The following MAP3K4 variants were observed in gnomAD, a reference collection of about 807,000 sequenced individuals.
The protein encoded by MAP3K4 is mitogen-activated protein kinase kinase kinase 4, also known as MAP three kinase 1.
A neutral mutation model predicts 185.6 loss-of-function variants in MAP3K4; 67 were observed. The ratio of observed to expected loss-of-function variants is 0.36; its 90% CI spans 0.30 to 0.44. The LOEUF is 0.44. Among genes scored for constraint, MAP3K4 ranks in the 20% least tolerant of loss-of-function variants. The pLI is 1.00. For missense variants in MAP3K4, 1,551 were observed against 1,995.1 expected (o/e 0.78, Z 4.24); for synonymous variants, 702 against 710.4 (o/e 0.99, Z 0.19).
chr6:161,039,966 T>C (rs1484404504), intron 2 of MAP3K4, among the ~76,000 whole-genome samples: 4 of 152,216 alleles, frequency 2.6e-5, no homozygotes, highest in Non-Finnish European at 5.9e-5. Context: ...TCATTTATCT[T>C]TACTCATATA....
rs111839598 is a variant in MAP3K4 at position 160,994,906 on chromosome 6, G to A, written c.152+2823G>A. 7.5e-3 allele frequency among the ~76,000 whole-genome samples: 1,145 copies of A among 152,206 alleles called. 6 individuals carry two copies. Among genetic ancestry groups the A allele is most frequent in the Admixed American group, 0.012 (182 of 15,292 alleles). ...AGTAGAGACAAGGTTTCACCAAGTT[G>A]GTCAGGCTTGTCTTGAACTCCTGAC... is the stretch of plus-strand genomic sequence containing the variant. On this transcript the variant is annotated intron_variant, in intron 1 of 26. Coordinates refer to ENST00000392142, the MANE Select transcript of MAP3K4 (RefSeq NM_005922.4).
At chr6:160,992,881 A>G (rs149696044) in intron 1 of MAP3K4, among the ~76,000 whole-genome samples, 13 of 151,836 alleles carry the variant, frequency 8.6e-5, no homozygotes, top group Non-Finnish European at 1.8e-4. Context: ...TTACGTGCCT[A>G]TGTTTGTATG....
Position 161,050,056 on chromosome 6 carries a change from T to C in MAP3K4, c.1707+77T>C, listed in dbSNP as rs138277631. The C allele has an allele frequency of 1.4e-4, 190 of 1,379,448 alleles. No individual in the cohort carries two copies. In the African/African-American group the frequency reaches 2.5e-3, roughly 18 times the overall value. 85.5% of individuals were successfully genotyped at this position (1,379,448 alleles called of 1,614,324 possible). On this transcript the variant is annotated intron_variant, in intron 3 of 26. Transcript: ENST00000392142. The stretch of plus-strand genomic sequence containing the variant: ...ATTGCAAATTATAATGTTGGTGTTA[T>C]GTACTTTCATATTCTAATATTTTTG...
At chr6:161,016,022 T>C (rs1390691623) in intron 1 of MAP3K4, among the ~76,000 whole-genome samples, 2 of 152,212 alleles carry the variant, frequency 1.3e-5, no homozygotes, top group East Asian at 3.8e-4. Context: ...TCATGTATAA[T>C]GATTTCTCCA....
Position 161,067,347 on chromosome 6 carries a change from T to C in MAP3K4, c.1708-3261T>C. 7.9e-6 allele frequency: 3 copies of C among 377,874 alleles called. No individual in the cohort carries two copies. Among genetic ancestry groups the C allele is most frequent in the South Asian group, 4.2e-5 (2 of 48,166 alleles). 23.4% of individuals were successfully genotyped at this position (377,874 alleles called of 1,614,324 possible). A position where few individuals can be genotyped will look rare whatever the true frequency, so the allele number is the denominator to read the frequency against. ...TTTTTTGAATTTCTGATTAGCTTCC[T>C]TATGCATCGATCTCAGTGAGCAGAG... On this transcript the variant is annotated intron_variant, in intron 3 of 26. Transcript: ENST00000392142. The surrounding 1 kb of genome is among the most constrained non-coding windows in gnomAD (Gnocchi z 6.3).
In MAP3K4 at chr6:161,049,724, C is replaced by G. The variant is rs753274991; in HGVS notation, c.1452C>G (p.Ile484Met). The part of the protein sequence containing the change: ...IRQPIDNSFD[I>M]QSRDCISKKL... Reference sequence around the variant, plus strand: ...AGCCCATAGATAACAGCTTCGACATCCAGTCGCGGGACTGCATATCCAAGA... The same window carrying G: ...AGCCCATAGATAACAGCTTCGACATGCAGTCGCGGGACTGCATATCCAAGA... The change falls in exon 3 of 27, where the codon ATC becomes ATG. Residue 484 changes from isoleucine (I) to methionine (M), a missense_variant. Ile to Met is a conservative substitution (Grantham distance 10, BLOSUM62 1). Around this residue, in one of 16 missense-constraint regions of MAP3K4, gnomAD observed 126 missense variants for 112.8 expected, o/e 1.12. Transcript: ENST00000392142. The surrounding 1 kb of genome is among the most constrained non-coding windows in gnomAD (Gnocchi z 8.4). 2 of 1,614,152 alleles carry G rather than the reference C, an allele frequency of 1.2e-6. No homozygotes were observed. Among genetic ancestry groups the G allele is most frequent in the Non-Finnish European group, 1.7e-6 (2 of 1,180,022 alleles).
intron 1 of MAP3K4, among the ~76,000 whole-genome samples, chr6:161,019,056 T>C (rs1296129095): frequency 6.6e-6 from 1 of 152,164 alleles, no homozygotes; most frequent in Non-Finnish European, 1.5e-5. Context: ...TGTGGAATAG[T>C]GTCAGGCGGT....
Position 161,089,363 on chromosome 6 carries a change from C to G in MAP3K4, c.2865C>G (p.Leu955=), listed in dbSNP as rs1469888994. The change falls in exon 11 of 27, where the codon CTC becomes CTG. Residue 955 remains leucine, a synonymous_variant. Transcript: ENST00000392142. The part of the protein sequence containing the change: ...LLLVVMQSAH[L]TIQRKAFQQS... Reference sequence around the variant, plus strand: ...TAGTTGTCATGCAGTCTGCGCATCTCACAATTCAGAGAAAAGCTTTCCAGC... The same window carrying G: ...TAGTTGTCATGCAGTCTGCGCATCTGACAATTCAGAGAAAAGCTTTCCAGC... 6.2e-7 allele frequency: 1 copy of G among 1,614,186 alleles called. No homozygotes were observed. Among genetic ancestry groups the G allele is most frequent in the Non-Finnish European group, 8.5e-7 (1 of 1,180,038 alleles).
intron 19 of MAP3K4, among the ~76,000 whole-genome samples, chr6:161,104,398 G>T (rs1385595670): frequency 7.9e-6 from 1 of 126,626 alleles, no homozygotes; most frequent in Non-Finnish European, 1.6e-5. Context: ...TGGGCAACAA[G>T]AGCAAAACTC....
rs1784124555 is a variant in MAP3K4 at position 161,054,002 on chromosome 6, T to G, written c.1707+4023T>G. On this transcript the variant is annotated intron_variant, in intron 3 of 26. Transcript: ENST00000392142. This position sits in a 1 kb window ranked among gnomAD's most constrained non-coding sequence, Gnocchi z 4.2. ...GGTTTCGTGATAATAGGAATGAATA[T>G]AGGTGAAGGATTTTGTAGAAAAGAA... Among the ~76,000 whole-genome samples the G allele has an allele frequency of 6.6e-6, 1 of 152,224 alleles. No homozygotes were observed. Among genetic ancestry groups the G allele is most frequent in the Non-Finnish European group, 1.5e-5 (1 of 68,036 alleles).
chr6:161,062,669 T>C (rs1263378064), intron 3 of MAP3K4, among the ~76,000 whole-genome samples: 1 of 152,232 alleles, frequency 6.6e-6, no homozygotes, highest in Non-Finnish European at 1.5e-5. Flanking sequence ...GATAAATTTG[T>C]TATTCATTCT....
chr6:161,060,650 CA>C (rs1386528894), intron 3 of MAP3K4, among the ~76,000 whole-genome samples: 2 of 133,286 alleles, frequency 1.5e-5, no homozygotes, highest in Non-Finnish European at 3.1e-5. Flanking sequence ...GAAGGAGTGT[CA>C]CTCTTTTGCC....
intron 1 of MAP3K4, among the ~76,000 whole-genome samples, chr6:161,030,061 T>C (rs902796775): frequency 7.2e-5 from 11 of 152,142 alleles, no homozygotes; most frequent in African/African-American, 2.7e-4. Context: ...GCTCAGAGTT[T>C]GTTGGATCTG....
chr6:161,027,357 G>A (rs752039991), intron 1 of MAP3K4, among the ~76,000 whole-genome samples: 2 of 152,138 alleles, frequency 1.3e-5, no homozygotes, highest in Non-Finnish European at 2.9e-5. Flanking sequence ...TGAAATGTGA[G>A]TGTGAAAGAG....
intron 1 of MAP3K4, among the ~76,000 whole-genome samples, chr6:160,999,217 T>C (rs895529450): frequency 2.6e-5 from 4 of 152,240 alleles, no homozygotes; most frequent in Non-Finnish European, 5.9e-5. Context: ...TGCTGAAATG[T>C]AGAACTTTCT....
rs974869278 is a variant in MAP3K4 at position 161,098,823 on chromosome 6, T to C, written c.3674+396T>C. On this transcript the variant is annotated intron_variant, in intron 17 of 26. Transcript: ENST00000392142. This position sits in a 1 kb window ranked among gnomAD's most constrained non-coding sequence, Gnocchi z 4.4. ...GATCTGATGTGGTAACATTTTATTT[T>C]TTGGGAAGATCAGTTTTCTAGCCAA... 1.1e-4 allele frequency among the ~76,000 whole-genome samples: 16 copies of C among 152,174 alleles called. No homozygotes were observed. Among genetic ancestry groups the C allele is most frequent in the African/African-American group, 3.1e-4 (13 of 41,444 alleles).
chr6:161,026,407 T>C lies in MAP3K4; in HGVS notation c.153-7852T>C, dbSNP rs141074680. Among the ~76,000 whole-genome samples the C allele has an allele frequency of 4.7e-3, 719 of 152,210 alleles. 2 individuals are homozygous for C. Among genetic ancestry groups the C allele is most frequent in the Non-Finnish European group, 7.4e-3 (504 of 68,002 alleles). On this transcript the variant is annotated intron_variant, in intron 1 of 26. Coordinates refer to ENST00000392142, the MANE Select transcript of MAP3K4 (RefSeq NM_005922.4). ...TCCTTGGCCTCCCAAAGTGCTGGGA[T>C]TACAGGCATGAGCCACCGTGCCCGG...
rs1204059710 is a variant in MAP3K4 at position 161,022,490 on chromosome 6, C to T, written c.153-11769C>T. Among the ~76,000 whole-genome samples, 9 of 152,212 alleles carry T rather than the reference C, an allele frequency of 5.9e-5. No homozygotes were observed. The highest frequency in any genetic ancestry group is 5.9e-4 in the Admixed American group (9 of 15,286). ...CGGACCAGAGAACTGGCTCTCTGAA[C>T]TGCCAGTCCATACTTTCTCCTGGTC... On this transcript the variant is annotated intron_variant, in intron 1 of 26. Transcript: ENST00000392142. This position sits in a 1 kb window ranked among gnomAD's most constrained non-coding sequence, Gnocchi z 4.2.
rs1784568454 is a variant in MAP3K4 at position 161,063,462 on chromosome 6, G to C, written c.1708-7146G>C. Among the ~76,000 whole-genome samples the C allele has an allele frequency of 6.6e-6, 1 of 152,138 alleles. No individual in the cohort carries two copies. The highest frequency in any genetic ancestry group is 1.5e-5 in the Non-Finnish European group (1 of 68,038). The stretch of plus-strand genomic sequence containing the variant: ...CTTGTTTCCATGAACTTAAAGGAGA[G>C]AGGGAGTTAGGAAAGTGTTTGGGAT... On this transcript the variant is annotated intron_variant, in intron 3 of 26. Transcript: ENST00000392142. This position sits in a 1 kb window ranked among gnomAD's most constrained non-coding sequence, Gnocchi z 5.4.
Sources: gnomAD v4.1 joint callset for allele counts (sites outside exome capture counted in the v4.1 genomes callset) on GRCh38, gnomAD v4.1.1 for gene constraint, gnomAD v4.1.1 regional missense constraint, Gnocchi (gnomAD v3.1) non-coding constraint, MANE v1.5 for transcripts, NCBI Gene and HGNC (gene_info 2026-07-23, HGNC 2026-07-21) for gene names.